PLAGL1: variants seen among roughly 807,000 people sequenced by gnomAD.
PLAGL1 encodes PLAG1 like zinc finger 1.
In PLAGL1, 1 loss-of-function variant was observed where a neutral mutation model predicts 4.6. The observed-to-expected ratio is 0.22, with a 90% CI of 0.08 to 1.03. The LOEUF is 1.03. PLAGL1 is among the 50% of genes least tolerant of loss of function. PLAGL1 has a pLI of 0.58. For missense variants in PLAGL1, 464 were observed against 570.4 expected, an observed-to-expected ratio of 0.81 and a Z score of 1.90; for synonymous variants, 240 against 237.8, an observed-to-expected ratio of 1.01 and a Z score of -0.08.
Position 143,941,986 on chromosome 6 carries a change from G to T in PLAGL1, c.830C>A (p.Pro277Gln). The stretch of plus-strand genomic sequence containing the variant: ...GAGGGAGGCCAGGGACTCTGGCAGC[G>T]GCTGCATAGGCTGGGCGGCTTGTTC... ...PPEQAAQPMQ[P>Q]LPESLASLHP... is the part of the protein sequence containing the mutation. The change falls in exon 8 of 8, where the codon CCG becomes CAG. Residue 277 changes from proline (P) to glutamine (Q), a missense_variant. By Grantham distance (76) the Pro-to-Gln change is moderately conservative (BLOSUM62 -1). This residue lies in a region of PLAGL1 where 248 missense variants were observed against 250.1 expected (regional missense o/e 0.99). Coordinates refer to ENST00000674357, the MANE Select transcript of PLAGL1 (RefSeq NM_001317162.2). The surrounding 1 kb of genome is among the most constrained non-coding windows in gnomAD (Gnocchi z 6.0). 1.3e-6 allele frequency: 2 copies of T among 1,592,820 alleles called. No individual in the cohort carries two copies. The highest frequency in any genetic ancestry group is 1.2e-5 in the South Asian group (1 of 86,870).
chr6:144,054,754 AG>A (rs1218251303), intron 1 of PLAGL1, among the ~76,000 whole-genome samples: 6 of 146,696 alleles, frequency 4.1e-5, no homozygotes, highest in Non-Finnish European at 8.9e-5. Flanking sequence ...GGAGCATAAA[AG>A]AAAAAGAAAA....
intron 1 of PLAGL1, among the ~76,000 whole-genome samples, chr6:144,060,401 G>T: frequency 6.6e-6 from 1 of 152,166 alleles, no homozygotes; most frequent in Admixed American, 6.5e-5. Context: ...TTTCCTCATT[G>T]CTCCCCAGGT....
intron 1 of PLAGL1, among the ~76,000 whole-genome samples, chr6:144,003,623 C>CAAAA (rs371417312): frequency 8.5e-6 from 1 of 118,166 alleles, no homozygotes; most frequent in Non-Finnish European, 1.7e-5. Flanking sequence ...GACTCCATCT[C>CAAAA]AAAAAAAAAA....
intron 6 of PLAGL1, among the ~76,000 whole-genome samples, chr6:143,956,090 G>A (rs1782062575): frequency 6.6e-6 from 1 of 152,216 alleles, no homozygotes; most frequent in African/African-American, 2.4e-5. Context: ...GGAAGCGGAT[G>A]CCTTTCTGAA....
At position 144,061,611 on chromosome 6, in the gene PLAGL1, T is replaced by C. The variant is rs138769452; in HGVS notation, c.-151+2857A>G. Among the ~76,000 whole-genome samples, 2,905 of 152,338 alleles carry C rather than the reference T, an allele frequency of 0.019. 40 individuals carry two copies. Among genetic ancestry groups the C allele is most frequent in the Non-Finnish European group, 0.027 (1,817 of 68,020 alleles). On this transcript the variant is annotated intron_variant, in intron 1 of 3. Coordinates refer to the PLAGL1 transcript ENST00000437412. The surrounding 1 kb of genome is among the most constrained non-coding windows in gnomAD (Gnocchi z 4.4). Reference sequence around the variant, plus strand: ...CCCATGTTTAACTTCCACATTATACTGCCTCCCTCTATATTTTGAAATAAC... The same window carrying C: ...CCCATGTTTAACTTCCACATTATACCGCCTCCCTCTATATTTTGAAATAAC...
chr6:144,035,869 C>T (rs1797195346), intron 1 of PLAGL1, among the ~76,000 whole-genome samples: 1 of 152,116 alleles, frequency 6.6e-6, no homozygotes, highest in South Asian at 2.1e-4. Context: ...ACATTTCTGG[C>T]ACTACTAGAG....
chr6:143,943,196 T>C (rs1212862255), intron 7 of PLAGL1, among the ~76,000 whole-genome samples: 1 of 151,970 alleles, frequency 6.6e-6, no homozygotes, highest in Non-Finnish European at 1.5e-5. Flanking sequence ...GTTTTTTTAA[T>C]GTATACAGAT....
Position 143,952,705 on chromosome 6 carries a change from A to G in PLAGL1, c.-324-4245T>C, listed in dbSNP as rs1781322577. Among the ~76,000 whole-genome samples, 1 of 152,164 alleles carries G rather than the reference A, an allele frequency of 6.6e-6. No individual in the cohort carries two copies. The highest frequency in any genetic ancestry group is 1.5e-5 in the Non-Finnish European group (1 of 68,030). ...TCCAGTGCTACATAACACATCATCT[A>G]ATGGGGCACAACTGCTTTACAACAT... On this transcript the variant is annotated intron_variant, in intron 6 of 7. Transcript: ENST00000674357. The surrounding 1 kb of genome is among the most constrained non-coding windows in gnomAD (Gnocchi z 6.1).
chr6:144,019,408 G>A (rs1290847545), intron 1 of PLAGL1, among the ~76,000 whole-genome samples: 2 of 152,122 alleles, frequency 1.3e-5, no homozygotes, highest in East Asian at 3.9e-4. Context: ...GGAGGCGGAG[G>A]TTGCAATGAG....
In PLAGL1 at chr6:143,963,112, G is replaced by A. The variant is rs1783708189; in HGVS notation, c.-399+1675C>T. ...TTTAAAGGTGACACTGGGGGGCATG[G>A]TATGAAGGGGTTGCTGGAAGTTGGA... On this transcript the variant is annotated intron_variant, in intron 5 of 7. Transcript: ENST00000674357. The surrounding 1 kb of genome is among the most constrained non-coding windows in gnomAD (Gnocchi z 6.1). Among the ~76,000 whole-genome samples the A allele has an allele frequency of 6.6e-6, 1 of 152,172 alleles. No individual in the cohort carries two copies. The highest frequency in any genetic ancestry group is 1.5e-5 in the Non-Finnish European group (1 of 68,030).
rs1480454438 is a variant in PLAGL1, at chr6:143,942,214, C to G, written c.602G>C (p.Arg201Pro). 1 of 1,613,950 alleles carries G rather than the reference C, an allele frequency of 6.2e-7. No individual in the cohort carries two copies. Among genetic ancestry groups the G allele is most frequent in the Non-Finnish European group, 8.5e-7 (1 of 1,179,998 alleles). ...QRFGRKDHLT[R>P]HTKKTHSQEL... is the part of the protein sequence containing the mutation. ...CTGTGAGTGGGTCTTCTTGGTATGC[C>G]GGGTGAGGTGATCCTTGCGCCCAAA... The change falls in exon 8 of 8, where the codon CGG becomes CCG. Residue 201 changes from arginine to proline, a missense_variant. Arg to Pro is a moderately radical substitution (Grantham distance 103, BLOSUM62 -2). Transcript: ENST00000674357. This position sits in a 1 kb window ranked among gnomAD's most constrained non-coding sequence, Gnocchi z 7.6.
Position 143,945,923 on chromosome 6 carries a change from C to T in PLAGL1, c.152+2062G>A, listed in dbSNP as rs147348154. Among the ~76,000 whole-genome samples the T allele has an allele frequency of 6.6e-5, 10 of 152,232 alleles. No homozygotes were observed. The highest frequency in any genetic ancestry group is 1.9e-4 in the African/African-American group (8 of 41,550). ...AGTACACTGACAGCTTCCCTTTTTG[C>T]CTCTCTTTACACCCTTAACTGAACA... On this transcript the variant is annotated intron_variant, in intron 7 of 7. Transcript: ENST00000674357. The surrounding 1 kb of genome is among the most constrained non-coding windows in gnomAD (Gnocchi z 4.2).
chr6:144,038,217 C>T (rs1435452123), intron 1 of PLAGL1, among the ~76,000 whole-genome samples: 8 of 152,170 alleles, frequency 5.3e-5, no homozygotes, highest in Non-Finnish European at 1.2e-4. Context: ...GACGGTAATA[C>T]GACTGAAACT....
In PLAGL1 at chr6:144,030,281, A is replaced by AAAAAAAAAAAAAAAAAG. The variant is rs1296064916; in HGVS notation, c.-151+34186_-151+34187insCTTTTTTTTTTTTTTTT. On this transcript the variant is annotated intron_variant, in intron 1 of 3. Coordinates refer to the PLAGL1 transcript ENST00000437412. ...AAAAAAAAAAAAAAAAAAAAAAAAAAAAGAAGATGTAAATTTTAATACAAT... is the reference window on the plus strand; with the variant it reads ...AAAAAAAAAAAAAAAAAAAAAAAAAAAAAAAAAAAAAAAAAAGAAGAAGATGTAAATTTTAATACAAT... Among the ~76,000 whole-genome samples the AAAAAAAAAAAAAAAAAG allele has an allele frequency of 1.8e-4, 24 of 132,960 alleles. 1 individual carries two copies. In the East Asian group the frequency reaches 2.1e-3, roughly 12 times the overall value. 87.2% of individuals were successfully genotyped at this position (132,960 alleles called of 152,430 possible).
intron 1 of PLAGL1, among the ~76,000 whole-genome samples, chr6:144,029,359 A>G (rs1202790317): frequency 6.6e-6 from 1 of 152,248 alleles, no homozygotes; most frequent in Non-Finnish European, 1.5e-5. Context: ...GTCAAAAGAC[A>G]ACAACAACCT....
rs1017523137 is a variant in PLAGL1 at position 144,039,450 on chromosome 6, T to C, written c.-151+25018A>G. ...AAAATACAAAAATTAGCTGGGCATG[T>C]TGGCACATGCTTGTAATCCCAGCTA... On this transcript the variant is annotated intron_variant, in intron 1 of 3. Transcript: ENST00000437412. The surrounding 1 kb of genome is among the most constrained non-coding windows in gnomAD (Gnocchi z 4.1). Among the ~76,000 whole-genome samples the C allele has an allele frequency of 2.0e-5, 3 of 152,062 alleles. No homozygotes were observed. The highest frequency in any genetic ancestry group is 7.2e-5 in the African/African-American group (3 of 41,396).
intron 6 of PLAGL1, among the ~76,000 whole-genome samples, chr6:143,956,341 G>T (rs908385098): frequency 1.3e-5 from 2 of 152,164 alleles, no homozygotes; most frequent in Non-Finnish European, 2.9e-5. Context: ...GCAGCCTTGT[G>T]GGGGCATGGA....
rs138041705 is a variant in PLAGL1 at position 144,040,721 on chromosome 6, CA to C, written c.-151+23746del. On this transcript the variant is annotated intron_variant, in intron 1 of 3. Transcript: ENST00000437412. ...GCAAAACCTGTCTCCACTAAAAATA[CA>C]AAAAAATTTGTGTGGTAGCACATGC... is the stretch of plus-strand genomic sequence containing the variant. Among the ~76,000 whole-genome samples, 1,303 of 151,822 alleles carry C rather than the reference CA, an allele frequency of 8.6e-3. 70 individuals are homozygous for C. In the East Asian group the frequency reaches 0.15, roughly 17 times the overall value.
In PLAGL1 at chr6:144,015,012, ATCAAGTGAAATC is replaced by A. The variant is rs1292869010; in HGVS notation, c.-150-46046_-150-46035del. Among the ~76,000 whole-genome samples, 1 of 152,226 alleles carries A rather than the reference ATCAAGTGAAATC, an allele frequency of 6.6e-6. No individual in the cohort carries two copies. The highest frequency in any genetic ancestry group is 1.9e-4 in the East Asian group (1 of 5,204). ...ATTTCACGCCATTCACAAAAAACGA[ATCAAGTGAAATC>A]TCAGACCTAAATAAAAAGCAGGAAC... On this transcript the variant is annotated intron_variant, in intron 1 of 3. Transcript: ENST00000437412. This position sits in a 1 kb window ranked among gnomAD's most constrained non-coding sequence, Gnocchi z 4.3.
Sources: allele counts gnomAD v4.1 joint callset (sites outside exome capture counted in the v4.1 genomes callset), GRCh38; gene constraint gnomAD v4.1.1; regional missense constraint gnomAD v4.1.1; non-coding constraint Gnocchi (gnomAD v3.1); transcripts MANE v1.5; gene names NCBI Gene and HGNC (gene_info 2026-07-23, HGNC 2026-07-21).